DPY19L4: variants seen among roughly 807,000 people sequenced by gnomAD.
DPY19L4 encodes probable C-mannosyltransferase DPY19L4.
A neutral mutation model predicts 102.8 loss-of-function variants in DPY19L4; 97 were observed. The observed-to-expected ratio is 0.94, with a 90% CI of 0.80 to 1.12. The LOEUF (loss-of-function observed/expected upper bound fraction) is 1.12. DPY19L4 is among the 50% of genes most tolerant of loss of function. The pLI, the probability that DPY19L4 is intolerant of heterozygous loss-of-function variation, is 0.00. For synonymous variants in DPY19L4, 252 were observed against 283.1 expected, an observed-to-expected ratio of 0.89 and a Z score of 1.10; for missense variants, 815 against 850.4, an observed-to-expected ratio of 0.96 and a Z score of 0.52.
intron 16 of DPY19L4, among the ~76,000 whole-genome samples, chr8:94,782,833 C>T (rs900286616): frequency 2.0e-5 from 3 of 152,052 alleles, no homozygotes; most frequent in Admixed American, 6.6e-5. Context: ...TTGAACACTG[C>T]CTTGTGTTAT....
intron 2 of DPY19L4, among the ~76,000 whole-genome samples, chr8:94,729,688 G>T (rs1810855591): frequency 6.9e-6 from 1 of 145,940 alleles, no homozygotes; most frequent in Admixed American, 6.9e-5. Flanking sequence ...AATTAGCTGA[G>T]AATGTGGTGG....
At chr8:94,748,858 A>T (rs1811794352) in intron 6 of DPY19L4, among the ~76,000 whole-genome samples, 1 of 152,058 alleles carries the variant, frequency 6.6e-6, no homozygotes, top group Non-Finnish European at 1.5e-5. Context: ...GAACAATTTC[A>T]TCCCCAAACC....
rs778540423 is a variant in DPY19L4, at chr8:94,788,095, A to ATATATATATATTTT, written c.2007+44_2007+45insATATATATATTTTT. ...AAGTTATATATATGTATATATATATATTTTTTTTTTAGAAAAATGACTTTA... is the reference window on the plus strand; with the variant it reads ...AAGTTATATATATGTATATATATATATATATATATATTTTTTTTTTTTTTAGAAAAATGACTTTA... On this transcript the variant is annotated intron_variant, in intron 18 of 18. Transcript: ENST00000414645. 36 of 971,646 alleles carry ATATATATATATTTT rather than the reference A, an allele frequency of 3.7e-5. No homozygotes were observed. The African/African-American group carries it at 7.4e-4, about 20-fold the overall frequency. The allele number at this position is 971,646 out of a possible 1,614,324, so 60.2% of individuals were successfully genotyped here.
chr8:94,727,936 G>A (rs907972383), intron 2 of DPY19L4, among the ~76,000 whole-genome samples: 22 of 152,050 alleles, frequency 1.4e-4, no homozygotes, highest in African/African-American at 5.1e-4. Context: ...TACCTTGCAA[G>A]CAGGGCTTTC....
intron 13 of DPY19L4, 54 bp downstream of exon 13, chr8:94,770,625 C>T (rs778990427): frequency 1.9e-4 from 299 of 1,602,046 alleles, no homozygotes; most frequent in Non-Finnish European, 2.4e-4. Context: ...TGGCTGAGTG[C>T]GGTGACTCAC....
At chr8:94,766,781 T>A in intron 11 of DPY19L4, 96 bp downstream of exon 11, 3 of 1,148,172 alleles carry the variant, frequency 2.6e-6, no homozygotes, top group South Asian at 1.5e-5. Flanking sequence ...CTCACATCTG[T>A]AATCCCAGCA....
At chr8:94,762,494 A>G (rs759617135) in intron 8 of DPY19L4, among the ~76,000 whole-genome samples, 15 of 152,292 alleles carry the variant, frequency 9.8e-5, no homozygotes, top group Non-Finnish European at 1.6e-4. Flanking sequence ...AGAAATGTAG[A>G]TTGCAGAGTC....
In DPY19L4 at chr8:94,761,714, G is replaced by C; in HGVS notation, c.750G>C (p.Leu250Phe). 6.3e-7 allele frequency: 1 copy of C among 1,598,166 alleles called. No individual in the cohort carries two copies. Among genetic ancestry groups the C allele is most frequent in the Non-Finnish European group, 8.5e-7 (1 of 1,174,780 alleles). ...GTTTTCCCTAGAGGTTTTGCTACTT[G>C]TTGATGAGTGCTTCAACTTACACAT... ...LNTYGERFCY[L>F]LMSASTYTFM... Residue 250 changes from leucine to phenylalanine, a missense_variant, in exon 8 of 19, where the codon TTG (leucine) becomes TTC (phenylalanine). By Grantham distance (22) the Leu-to-Phe change is conservative (BLOSUM62 0). Coordinates refer to ENST00000414645, the MANE Select transcript of DPY19L4 (RefSeq NM_181787.3).
In DPY19L4 at chr8:94,720,015, G is replaced by C; in HGVS notation, c.16+1G>C. 3 of 1,531,868 alleles carry C rather than the reference G, an allele frequency of 2.0e-6. No individual in the cohort carries two copies. The highest frequency in any genetic ancestry group is 2.4e-5 in the South Asian group (2 of 82,074). The allele number at this position is 1,531,868 out of a possible 1,614,324, so 94.9% of individuals were successfully genotyped here. On this transcript the variant is annotated splice_donor_variant, in intron 1 of 18. Transcript: ENST00000414645. LOFTEE classifies it high-confidence loss of function. ...GCAGAAACGATGGCGGAGGAAGAAGGTGATTGCCGCGGGGTCCAGCGCGCC... is the reference window on the plus strand; with the variant it reads ...GCAGAAACGATGGCGGAGGAAGAAGCTGATTGCCGCGGGGTCCAGCGCGCC...
chr8:94,773,209 G>A (rs1207812550), intron 13 of DPY19L4, among the ~76,000 whole-genome samples: 4 of 120,782 alleles, frequency 3.3e-5, no homozygotes, highest in Admixed American at 9.3e-5. Flanking sequence ...GTGAGACTCC[G>A]TATCAAAAAA....
At chr8:94,749,192 A>G (rs910951526) in intron 6 of DPY19L4, among the ~76,000 whole-genome samples, 1 of 152,084 alleles carries the variant, frequency 6.6e-6, no homozygotes, top group African/African-American at 2.4e-5. Flanking sequence ...GAATTGTGGG[A>G]GCTACATTCA....
intron 12 of DPY19L4, among the ~76,000 whole-genome samples, chr8:94,769,546 G>C (rs1341446890): frequency 6.6e-6 from 1 of 152,018 alleles, no homozygotes; most frequent in African/African-American, 2.4e-5. Context: ...AGCAGTATAA[G>C]TAATTTTAAA....
At chr8:94,744,016 A>C (rs1428462700) in intron 6 of DPY19L4, among the ~76,000 whole-genome samples, 1 of 152,224 alleles carries the variant, frequency 6.6e-6, no homozygotes, top group Non-Finnish European at 1.5e-5. Context: ...AAAATAAATA[A>C]AAATAAAAGG....
At chr8:94,773,817 T>C (rs1336681276) in intron 13 of DPY19L4, among the ~76,000 whole-genome samples, 1 of 148,556 alleles carries the variant, frequency 6.7e-6, no homozygotes, top group Non-Finnish European at 1.5e-5. Flanking sequence ...AGATGATCAC[T>C]TGAGCCCAAG....
At chr8:94,729,535 A>T (rs1486945543) in intron 2 of DPY19L4, among the ~76,000 whole-genome samples, 6 of 129,468 alleles carry the variant, frequency 4.6e-5, no homozygotes, top group African/African-American at 1.8e-4. Context: ...GGAGGTGGAG[A>T]TTGCAGTGAG....
chr8:94,738,263 G>T (rs7000241), intron 3 of DPY19L4, 106 bp from the exon 4 acceptor site: 21,447 of 323,204 alleles, frequency 0.066, 793 homozygotes, highest in East Asian at 0.14. Flanking sequence ...AGGTTGCAGT[G>T]AGCCGAGATC....
At chr8:94,748,618 G>A (rs988491582) in intron 6 of DPY19L4, among the ~76,000 whole-genome samples, 2 of 151,682 alleles carry the variant, frequency 1.3e-5, no homozygotes, top group African/African-American at 4.9e-5. Context: ...CAGCAGCAGT[G>A]ACAATGATGA....
At chr8:94,780,548 T>A (rs1379740080) in intron 15 of DPY19L4, 133 bp downstream of exon 15, 4 of 581,390 alleles carry the variant, frequency 6.9e-6, no homozygotes, top group African/African-American at 1.9e-5. Context: ...TTAGTAATGC[T>A]TAATTTTTTT....
At chr8:94,736,191 TC>T (rs929738451) in intron 3 of DPY19L4, among the ~76,000 whole-genome samples, 2 of 152,138 alleles carry the variant, frequency 1.3e-5, no homozygotes, top group Non-Finnish European at 2.9e-5. Context: ...TTAATCCCAT[TC>T]TTGAGGGAAC....
Sources: allele counts gnomAD v4.1 joint callset (sites outside exome capture counted in the v4.1 genomes callset), GRCh38; gene constraint gnomAD v4.1.1; transcripts MANE v1.5; gene names NCBI Gene and HGNC (gene_info 2026-07-23, HGNC 2026-07-21).